The following RPE variants were observed in gnomAD, a reference collection of about 807,000 sequenced individuals.
RPE encodes the protein ribulose-phosphate 3-epimerase.
RPE carries 16 observed loss-of-function variants against 24.6 expected under a neutral mutation model. The observed-to-expected ratio is 0.65, with a 90% CI of 0.44 to 0.99. The LOEUF (loss-of-function observed/expected upper bound fraction) is 0.99, where lower values mean the gene tolerates loss of function less well. Among genes scored for constraint, RPE ranks in the 50% least tolerant of loss-of-function variants. The pLI is 0.00. For synonymous variants in RPE, 93 were observed against 98.4 expected (o/e 0.94, Z 0.33); for missense variants, 240 against 294.5 (o/e 0.81, Z 1.35).
At chr2:210,018,785 C>T (rs934108507) in intron 5 of RPE, 1 of 749,396 alleles carries the variant, frequency 1.3e-6, no homozygotes, top group African/African-American at 1.9e-5. Context: ...AGAACTCCCA[C>T]AAGCTTAGCG....
At position 210,017,678 on chromosome 2, in the gene RPE, A is replaced by G. The variant is rs905785095; in HGVS notation, c.564+119A>G. Reference sequence around the variant, plus strand: ...CTAAGTTGACTTTCTTTCTTGGAAAAGTATTTTTTGTTCACATGTACAACT... The same window carrying G: ...CTAAGTTGACTTTCTTTCTTGGAAAGGTATTTTTTGTTCACATGTACAACT... On this transcript the variant is annotated intron_variant, in intron 5 of 5. Coordinates refer to ENST00000359429, the MANE Select transcript of RPE (RefSeq NM_199229.3). 8 of 918,978 alleles carry G rather than the reference A, an allele frequency of 8.7e-6. No homozygotes were observed. The South Asian group carries it at 1.1e-4, about 13-fold the overall frequency. 56.9% of individuals were successfully genotyped at this position (918,978 alleles called of 1,614,324 possible).
At chr2:210,006,549 A>G (rs1374674325) in intron 1 of RPE, among the ~76,000 whole-genome samples, 2 of 152,246 alleles carry the variant, frequency 1.3e-5, no homozygotes, top group African/African-American at 4.8e-5. Context: ...TTTTCCCAAA[A>G]AAGTAAAAGT....
At chr2:210,003,659 C>A (rs370954714) in intron 1 of RPE, among the ~76,000 whole-genome samples, 2 of 152,088 alleles carry the variant, frequency 1.3e-5, no homozygotes, top group South Asian at 4.1e-4. Flanking sequence ...TCTCTGAGCC[C>A]CACTGTTAAC....
intron 1 of RPE, among the ~76,000 whole-genome samples, chr2:210,006,730 A>G (rs890821204): frequency 1.2e-4 from 18 of 152,256 alleles, no homozygotes; most frequent in African/African-American, 2.9e-4. Flanking sequence ...AAAACATTCA[A>G]TAGGCCTTAC....
At chr2:210,005,997 G>C (rs1371169797) in intron 1 of RPE, among the ~76,000 whole-genome samples, 2 of 152,202 alleles carry the variant, frequency 1.3e-5, no homozygotes, top group Non-Finnish European at 2.9e-5. Flanking sequence ...GAACATGAGA[G>C]AGAAAATTGT....
At chr2:210,011,373 T>A (rs1399125407) in intron 2 of RPE, among the ~76,000 whole-genome samples, 1 of 152,190 alleles carries the variant, frequency 6.6e-6, no homozygotes, top group Non-Finnish European at 1.5e-5. Context: ...TCCTCGCTTC[T>A]GGCTTGCTTG....
chr2:210,009,870 C>A, intron 2 of RPE, 134 bp downstream of exon 2: 1 of 1,177,394 alleles, frequency 8.5e-7, no homozygotes. Flanking sequence ...ATTGGCCTGA[C>A]TCCAGTAACA....
intron 3 of RPE, 112 bp from the exon 4 acceptor site, chr2:210,016,395 T>C (rs1228547833): frequency 8.9e-6 from 14 of 1,569,908 alleles, no homozygotes; most frequent in Admixed American, 1.9e-5. Context: ...TTTAATAGTC[T>C]TGTTAACTTT....
At chr2:210,018,118 A>C (rs2093804127) in intron 5 of RPE, 1 of 1,507,176 alleles carries the variant, frequency 6.6e-7, no homozygotes, top group South Asian at 1.3e-5. Flanking sequence ...GGCTGAAGAA[A>C]GTTCTTTTTT....
In RPE at chr2:210,019,831, C is replaced by G. The variant is rs2093835154; in HGVS notation, c.*40C>G. The G allele has an allele frequency of 6.3e-7, 1 of 1,588,704 alleles. No homozygotes were observed. The highest frequency in any genetic ancestry group is 8.6e-7 in the Non-Finnish European group (1 of 1,166,768). ...CAGTGTTCCTGTTCATGAAATCTCC[C>G]TTTTACTGGAAAACAGGAATATTGA... On this transcript the variant is annotated 3_prime_UTR_variant, in exon 6 of 6. Transcript: ENST00000359429.
chr2:210,008,660 A>G (rs1320213489), intron 1 of RPE, among the ~76,000 whole-genome samples: 1 of 151,646 alleles, frequency 6.6e-6, no homozygotes, highest in Non-Finnish European at 1.5e-5. Flanking sequence ...AGGGTAAAGG[A>G]TAAGTACCGT....
chr2:210,021,438 T>TAATTAAA lies in RPE; in HGVS notation c.*1650_*1656dup. 6.6e-6 allele frequency: 1 copy of TAATTAAA among 152,618 alleles called. No homozygotes were observed. 9.5% of individuals were successfully genotyped at this position (152,618 alleles called of 1,614,324 possible). On this transcript the variant is annotated 3_prime_UTR_variant, in exon 6 of 6. Coordinates refer to ENST00000359429, the MANE Select transcript of RPE (RefSeq NM_199229.3). ...AACACACGGCATATAGAAATAACTT[T>TAATTAAA]AATTAAAAAACTTACATAGAAGATT...
chr2:210,009,811 TC>T, intron 2 of RPE, 75 bp downstream of exon 2: 1 of 1,588,194 alleles, frequency 6.3e-7, no homozygotes, highest in Non-Finnish European at 8.6e-7. Context: ...GATTTTAACT[TC>T]CAAGTTCATC....
chr2:210,005,767 C>T (rs1167501228), intron 1 of RPE, among the ~76,000 whole-genome samples: 5 of 152,168 alleles, frequency 3.3e-5, no homozygotes, highest in Non-Finnish European at 5.9e-5. Flanking sequence ...TCCCTATCTG[C>T]TCTGTTTTGC....
chr2:210,011,230 T>G (rs771242958), intron 2 of RPE, among the ~76,000 whole-genome samples: 1 of 152,220 alleles, frequency 6.6e-6, no homozygotes, highest in Non-Finnish European at 1.5e-5. Context: ...ATCTAAACTT[T>G]CTTTTAAGCC....
At chr2:210,005,035 C>T (rs1162603388) in intron 1 of RPE, among the ~76,000 whole-genome samples, 2 of 152,202 alleles carry the variant, frequency 1.3e-5, no homozygotes, top group East Asian at 1.9e-4. Flanking sequence ...TGTTTCTATT[C>T]CCCTTTTGCA....
chr2:210,006,891 T>A (rs1254000854), intron 1 of RPE, among the ~76,000 whole-genome samples: 2 of 152,094 alleles, frequency 1.3e-5, no homozygotes, highest in African/African-American at 4.8e-5. Flanking sequence ...TGAGTGAAAG[T>A]GTCTGTTCCC....
intron 3 of RPE, 24 bp from the exon 4 acceptor site, chr2:210,016,483 A>G (rs369734670): frequency 1.2e-5 from 19 of 1,614,016 alleles, no homozygotes; most frequent in South Asian, 3.3e-5. Context: ...TAAATGTGAT[A>G]TAGCATATTT....
chr2:210,017,467 A>G lies in RPE; in HGVS notation c.478-6A>G, dbSNP rs745937680. 137 of 1,595,902 alleles carry G rather than the reference A, an allele frequency of 8.6e-5. No individual in the cohort carries two copies. The highest frequency in any genetic ancestry group is 1.1e-4 in the Non-Finnish European group (134 of 1,177,326). On this transcript the variant is annotated splice_polypyrimidine_tract_variant and splice_region_variant and intron_variant, in intron 4 of 5. Coordinates refer to ENST00000359429, the MANE Select transcript of RPE (RefSeq NM_199229.3). ...GAGTTACTTATTTCCTCATGTATAT[A>G]TCTAGGTTCACTGGTTGAGGACCCA...
Sources: allele counts gnomAD v4.1 joint callset (sites outside exome capture counted in the v4.1 genomes callset), GRCh38; gene constraint gnomAD v4.1.1; transcripts MANE v1.5; gene names NCBI Gene and HGNC (gene_info 2026-07-23, HGNC 2026-07-21).